MACROD2: variants seen among roughly 807,000 people sequenced by gnomAD.
The protein encoded by MACROD2 is mono-ADP ribosylhydrolase 2.
MACROD2 carries 36 observed loss-of-function variants against 70.4 expected under a neutral mutation model. The observed-to-expected ratio is 0.51, with a 90% CI of 0.39 to 0.68. MACROD2 has a LOEUF of 0.68. MACROD2 is among the 30% of genes least tolerant of loss of function. The pLI is 0.00. For synonymous variants in MACROD2, 172 were observed against 178.8 expected, an observed-to-expected ratio of 0.96 and a Z score of 0.30; for missense variants, 496 against 538.4, an observed-to-expected ratio of 0.92 and a Z score of 0.78.
At chr20:14,643,389 A>G (rs1367057089) in intron 4 of MACROD2, among the ~76,000 whole-genome samples, 1 of 152,188 alleles carries the variant, frequency 6.6e-6, no homozygotes, top group African/African-American at 2.4e-5. Flanking sequence ...TCCACAATTC[A>G]AAGCTCATGT....
chr20:14,180,853 C>G (rs1252996064), intron 3 of MACROD2, among the ~76,000 whole-genome samples: 1 of 151,836 alleles, frequency 6.6e-6, no homozygotes, highest in Non-Finnish European at 1.5e-5. Flanking sequence ...AATCAAGTGT[C>G]TTGTGTTTCA....
At chr20:14,168,679 T>C (rs117198047) in intron 3 of MACROD2, among the ~76,000 whole-genome samples, 1,696 of 152,336 alleles carry the variant, frequency 0.011, 15 homozygotes, top group South Asian at 0.037. Flanking sequence ...TTATACAGGA[T>C]AGTTTCACTG....
chr20:14,730,229 G>T (rs536104533), intron 5 of MACROD2, among the ~76,000 whole-genome samples: 2 of 152,176 alleles, frequency 1.3e-5, no homozygotes, highest in East Asian at 3.9e-4. Context: ...AATAAAATGG[G>T]TAAGAATTTT....
chr20:14,719,872 T>C (rs896903948), intron 5 of MACROD2, among the ~76,000 whole-genome samples: 3 of 152,308 alleles, frequency 2.0e-5, no homozygotes, highest in Middle Eastern at 3.4e-3. Flanking sequence ...CACCAGAGCA[T>C]TGGCCCTTCA....
intron 3 of MACROD2, among the ~76,000 whole-genome samples, chr20:14,467,307 GGTTCCGTGGGCGTAGGA>G (rs1470831257): frequency 5.9e-5 from 9 of 152,232 alleles, no homozygotes; most frequent in African/African-American, 2.2e-4. Context: ...CAATGAGCGA[GGTTCCGTGGGCGTAGGA>G]CCCTCCGAGC....
chr20:14,754,576 T>A (rs1266587391), intron 5 of MACROD2, among the ~76,000 whole-genome samples: 1 of 152,148 alleles, frequency 6.6e-6, no homozygotes, highest in African/African-American at 2.4e-5. Context: ...CATCTGGTAG[T>A]TGTCTTAGTT....
chr20:15,442,422 G>C (rs1168781640), intron 7 of MACROD2, among the ~76,000 whole-genome samples: 3 of 152,124 alleles, frequency 2.0e-5, no homozygotes, highest in African/African-American at 4.8e-5. Flanking sequence ...GTTCCACTCT[G>C]TCATTCAAGG....
In MACROD2 at chr20:16,008,765, C is replaced by T. The variant is rs79988746; in HGVS notation, c.1153+21607C>T. ...TCTGAGTAAAAGGCTATACTCCAAA[C>T]CAAGGGAAAACCTCTCATTTGTTTG... On this transcript the variant is annotated intron_variant, in intron 15 of 17. Coordinates refer to ENST00000684519, the MANE Select transcript of MACROD2 (RefSeq NM_001351661.2). 8.8e-3 allele frequency among the ~76,000 whole-genome samples: 1,340 copies of T among 152,280 alleles called. 16 individuals are homozygous for T. The highest frequency in any genetic ancestry group is 0.03 in the African/African-American group (1,265 of 41,562).
intron 15 of MACROD2, among the ~76,000 whole-genome samples, chr20:16,029,414 T>C (rs2067122931): frequency 6.6e-6 from 1 of 152,062 alleles, no homozygotes; most frequent in South Asian, 2.1e-4. Flanking sequence ...TGATCTTGGG[T>C]GAAAGAAGGT....
chr20:16,049,754 T>A, intron 17 of MACROD2, 76 bp from the exon 18 acceptor site: 1 of 1,480,942 alleles, frequency 6.8e-7, no homozygotes. Flanking sequence ...AATGGCTGTA[T>A]TAAAAATGTA....
chr20:16,012,102 G>A (rs1002451819), intron 15 of MACROD2, among the ~76,000 whole-genome samples: 7 of 152,294 alleles, frequency 4.6e-5, no homozygotes, highest in Admixed American at 2.6e-4. Context: ...ATGCTGAGAC[G>A]CCAGCTTCTC....
intron 5 of MACROD2, among the ~76,000 whole-genome samples, chr20:15,203,761 A>T (rs575890488): frequency 6.6e-6 from 1 of 152,258 alleles, no homozygotes; most frequent in Non-Finnish European, 1.5e-5. Context: ...ATTACATAGC[A>T]GTTTTTCATA....
At chr20:14,237,323 A>G (rs1436489824) in intron 3 of MACROD2, among the ~76,000 whole-genome samples, 1 of 152,002 alleles carries the variant, frequency 6.6e-6, no homozygotes, top group Non-Finnish European at 1.5e-5. Context: ...AGAGAATATC[A>G]GCCACATACT....
intron 10 of MACROD2, among the ~76,000 whole-genome samples, chr20:15,907,519 C>T (rs1165396807): frequency 1.3e-5 from 2 of 152,236 alleles, no homozygotes; most frequent in African/African-American, 4.8e-5. Context: ...CATTATATAA[C>T]ACCAAATCAA....
rs200679196 is a variant in MACROD2, at chr20:14,429,440, A to G, written c.272-64039A>G. 1.2e-4 allele frequency among the ~76,000 whole-genome samples: 19 copies of G among 152,350 alleles called. No homozygotes were observed. The East Asian group carries it at 3.7e-3, about 29-fold the overall frequency. On this transcript the variant is annotated intron_variant, in intron 3 of 17. Transcript: ENST00000684519. ...CCATATTCAGTATCTCCACAAGGAT[A>G]AAGAAGTGATCTAATGGAAAGAGAT...
chr20:14,250,688 T>C (rs1182143294), intron 3 of MACROD2, among the ~76,000 whole-genome samples: 1 of 152,204 alleles, frequency 6.6e-6, no homozygotes, highest in Non-Finnish European at 1.5e-5. Flanking sequence ...TATATTGAAT[T>C]GTCCTTAGTA....
chr20:14,571,990 T>C (rs1481702852), intron 4 of MACROD2, among the ~76,000 whole-genome samples: 9 of 152,162 alleles, frequency 5.9e-5, no homozygotes, highest in Middle Eastern at 3.4e-3. Context: ...ATAAAATGAT[T>C]AGTTATGTTC....
intron 6 of MACROD2, among the ~76,000 whole-genome samples, chr20:15,394,714 C>T (rs958331715): frequency 1.3e-5 from 2 of 152,146 alleles, no homozygotes; most frequent in African/African-American, 2.4e-5. Flanking sequence ...AAGTGTATTC[C>T]ACCCTGGTAC....
chr20:14,531,499 C>T (rs1481514173), intron 4 of MACROD2, among the ~76,000 whole-genome samples: 1 of 152,044 alleles, frequency 6.6e-6, no homozygotes, highest in Non-Finnish European at 1.5e-5. Flanking sequence ...GTAGTACAGC[C>T]CTACTGACAC....
Sources: gnomAD v4.1 joint callset for allele counts (sites outside exome capture counted in the v4.1 genomes callset) on GRCh38, gnomAD v4.1.1 for gene constraint, MANE v1.5 for transcripts, NCBI Gene and HGNC (gene_info 2026-07-23, HGNC 2026-07-21) for gene names.